The following WDR47 variants were observed in gnomAD, a reference collection of about 807,000 sequenced individuals.
WDR47 encodes WD repeat domain 47.
WDR47 carries 32 observed loss-of-function variants against 97.2 expected under a neutral mutation model. The ratio of observed to expected loss-of-function variants is 0.33; its 90% confidence interval spans 0.25 to 0.44. The LOEUF (loss-of-function observed/expected upper bound fraction) is 0.44. Among genes scored for constraint, WDR47 ranks in the 20% least tolerant of loss-of-function variants. The probability of loss-of-function intolerance (pLI) is 1.00; values close to 1 mark genes in which losing one functional copy is unlikely to be tolerated. For missense variants in WDR47, 782 were observed against 1,102.3 expected (o/e 0.71, Z 4.11); for synonymous variants, 375 against 373.5 (o/e 1.00, Z -0.05).
At chr1:108,977,406 G>A (rs556915499) in intron 13 of WDR47, among the ~76,000 whole-genome samples, 5 of 151,614 alleles carry the variant, frequency 3.3e-5, no homozygotes, top group South Asian at 4.2e-4. Context: ...CACCCACCTC[G>A]GCCTCCCAAA....
At chr1:109,029,494 T>A (rs2102025153) in intron 1 of WDR47, among the ~76,000 whole-genome samples, 1 of 152,048 alleles carries the variant, frequency 6.6e-6, no homozygotes, top group East Asian at 1.9e-4. Flanking sequence ...ACCCTGTCTC[T>A]ACTGAAAATA....
chr1:109,012,572 C>CAAAAAAAAAAAAAAAAAAAAA (rs57237933), intron 4 of WDR47, among the ~76,000 whole-genome samples: 47 of 73,834 alleles, frequency 6.4e-4, no homozygotes, highest in African/African-American at 1.3e-3. Flanking sequence ...GACTCCATCT[C>CAAAAAAAAAAAAAAAAAAAAA]AAAAAAAAAA....
rs758840482 is a variant in WDR47, at chr1:109,004,719, C to G, written c.1131-4G>C. 6.3e-7 allele frequency: 1 copy of G among 1,579,804 alleles called. No individual in the cohort carries two copies. The highest frequency in any genetic ancestry group is 2.3e-5 in the East Asian group (1 of 43,774). On this transcript the variant is annotated splice_region_variant and splice_polypyrimidine_tract_variant and intron_variant, in intron 5 of 14. Transcript: ENST00000369962. The stretch of plus-strand genomic sequence containing the variant: ...CTGTGCATCAACAGGTGTATCACTT[C>G]TTCCAGAAACGTGCAAAAAAACAAA...
rs1657401972 is a variant in WDR47, at chr1:108,970,917, C to T, written c.*513G>A. 6.6e-6 allele frequency: 1 copy of T among 152,534 alleles called. No individual in the cohort carries two copies. The highest frequency in any genetic ancestry group is 2.1e-4 in the South Asian group (1 of 4,840). The allele number at this position is 152,534 out of a possible 1,614,324, so 9.4% of individuals were successfully genotyped here. A position where few individuals can be genotyped will look rare whatever the true frequency, so the allele number is the denominator to read the frequency against. ...AAGCAACCATGTAACTTTTGAGTGA[C>T]ATATATTATGGAATTCTGACCTCTA... On this transcript the variant is annotated 3_prime_UTR_variant, in exon 15 of 15. Coordinates refer to ENST00000369962, the MANE Select transcript of WDR47 (RefSeq NM_001142551.2).
At chr1:108,982,568 G>A in intron 12 of WDR47, 41 bp downstream of exon 12, 1 of 1,548,180 alleles carries the variant, frequency 6.5e-7, no homozygotes, top group South Asian at 1.3e-5. Flanking sequence ...AGCACAGATT[G>A]AACAAAAAGA....
chr1:109,002,457 T>C, intron 6 of WDR47, 55 bp from the exon 7 acceptor site: 1 of 1,314,084 alleles, frequency 7.6e-7, no homozygotes, highest in Non-Finnish European at 1.0e-6. Flanking sequence ...ACAGAATATA[T>C]CTTAACAGTA....
intron 1 of WDR47, among the ~76,000 whole-genome samples, chr1:109,033,686 C>T (rs1662747074): frequency 6.6e-6 from 1 of 152,132 alleles, no homozygotes; most frequent in African/African-American, 2.4e-5. Context: ...TCTGGGAGGC[C>T]AAGGCGGGCA....
intron 8 of WDR47, among the ~76,000 whole-genome samples, chr1:108,993,841 T>C (rs536516455): frequency 9.8e-5 from 15 of 152,308 alleles, no homozygotes; most frequent in Non-Finnish European, 1.6e-4. Context: ...AAACTCATCA[T>C]GTACAGACAC....
chr1:108,983,694 C>T (rs1658522581), intron 10 of WDR47, among the ~76,000 whole-genome samples: 1 of 150,460 alleles, frequency 6.6e-6, no homozygotes, highest in Admixed American at 6.6e-5. Flanking sequence ...GGATATACGA[C>T]TTAAAAAAAA....
intron 6 of WDR47, among the ~76,000 whole-genome samples, chr1:109,004,189 C>T (rs201371191): frequency 5.3e-5 from 8 of 151,446 alleles, no homozygotes; most frequent in Admixed American, 2.6e-4. Flanking sequence ...GGCACAAACC[C>T]GGGAGGCGGA....
intron 9 of WDR47, among the ~76,000 whole-genome samples, chr1:108,990,246 T>C (rs1659219837): frequency 6.6e-6 from 1 of 151,904 alleles, no homozygotes; most frequent in African/African-American, 2.4e-5. Flanking sequence ...TCTTGCTCTG[T>C]CCCCCAGGCT....
At position 108,995,763 on chromosome 1, in the gene WDR47, T is replaced by C; in HGVS notation, c.1508A>G (p.Gln503Arg). 6.2e-7 allele frequency: 1 copy of C among 1,614,154 alleles called. No homozygotes were observed. Among genetic ancestry groups the C allele is most frequent in the South Asian group, 1.1e-5 (1 of 91,086 alleles). Residue 503 changes from glutamine to arginine, a missense_variant, in exon 8 of 15, where the codon CAA becomes CGA. Coordinates refer to ENST00000369962, the MANE Select transcript of WDR47 (RefSeq NM_001142551.2). ...TCCATTGCCTTTGCTCCCATTACATTGCTGGTTGAGTGCTGATACCTCATT... is the reference window on the plus strand; with the variant it reads ...TCCATTGCCTTTGCTCCCATTACATCGCTGGTTGAGTGCTGATACCTCATT... The part of the protein sequence containing the change: ...LGNEVSALNQ[Q>R]CNGSKGNGSN...
At chr1:108,977,911 G>A (rs993123612) in intron 13 of WDR47, among the ~76,000 whole-genome samples, 24 of 151,360 alleles carry the variant, frequency 1.6e-4, no homozygotes, top group African/African-American at 5.8e-4. Context: ...TTGAACCTGG[G>A]AGACGGAAGT....
At chr1:109,040,457 G>A (rs1663276503) in intron 1 of WDR47, among the ~76,000 whole-genome samples, 1 of 151,810 alleles carries the variant, frequency 6.6e-6, no homozygotes, top group African/African-American at 2.4e-5. Context: ...TTTAAGGCGA[G>A]GGAGAAAAGA....
chr1:109,036,534 C>CAAA (rs34246298), intron 1 of WDR47, among the ~76,000 whole-genome samples: 9 of 120,892 alleles, frequency 7.4e-5, no homozygotes, highest in Admixed American at 8.9e-5. Context: ...GACTCCGTCT[C>CAAA]AAAAAAAAAA....
chr1:109,040,678 A>C (rs1269364571), intron 1 of WDR47, among the ~76,000 whole-genome samples: 1 of 152,158 alleles, frequency 6.6e-6, no homozygotes, highest in Non-Finnish European at 1.5e-5. Context: ...TCCCAAACCT[A>C]AAGTAGAATT....
rs567619070 is a variant in WDR47 at position 108,984,824 on chromosome 1, G to A, written c.1926-1373C>T. On this transcript the variant is annotated intron_variant, in intron 10 of 14. Transcript: ENST00000369962. ...ACCCAGGAGGTGGAGGTTACAGTGA[G>A]CTGAGGTCGTGCCAGTGCACTCCAG... Among the ~76,000 whole-genome samples the A allele has an allele frequency of 1.3e-4, 20 of 152,290 alleles. 1 individual carries two copies. Among genetic ancestry groups the A allele is most frequent in the African/African-American group, 4.8e-4 (20 of 41,556 alleles).
chr1:109,039,494 G>A (rs551084529), intron 1 of WDR47, among the ~76,000 whole-genome samples: 6 of 152,288 alleles, frequency 3.9e-5, no homozygotes, highest in East Asian at 3.9e-4. Context: ...CTGACCTCAC[G>A]TGATCCGCCC....
At position 108,971,266 on chromosome 1, in the gene WDR47, A is replaced by G. The variant is rs530773052; in HGVS notation, c.*164T>C. The G allele has an allele frequency of 6.3e-6, 6 of 944,956 alleles. No homozygotes were observed. The Admixed American group carries it at 1.7e-4, about 27-fold the overall frequency. The allele number at this position is 944,956 out of a possible 1,614,324, so 58.5% of individuals were successfully genotyped here. A position where few individuals can be genotyped will look rare whatever the true frequency, so the allele number is the denominator to read the frequency against. On this transcript the variant is annotated 3_prime_UTR_variant, in exon 15 of 15. Transcript: ENST00000369962. ...CATGGAAGACTGAAAGCACTGCGGA[A>G]TAACACCACCCAACACCTCCTATCA...
Sources: gnomAD v4.1 joint callset for allele counts (sites outside exome capture counted in the v4.1 genomes callset) on GRCh38, gnomAD v4.1.1 for gene constraint, MANE v1.5 for transcripts, NCBI Gene and HGNC (gene_info 2026-07-23, HGNC 2026-07-21) for gene names.